The following RCC1L variants were observed in gnomAD, a reference collection of about 807,000 sequenced individuals.
RCC1L encodes the protein RCC1 like.
A neutral mutation model predicts 58.6 loss-of-function variants in RCC1L; 46 were observed. That is an observed-to-expected ratio of 0.79 (90% CI 0.62 to 1.00). The LOEUF (loss-of-function observed/expected upper bound fraction) is 1.00, where lower values mean the gene tolerates loss of function less well. Among genes scored for constraint, RCC1L ranks in the 50% least tolerant of loss-of-function variants. The probability of loss-of-function intolerance (pLI) is 0.00; values close to 1 mark genes in which losing one functional copy is unlikely to be tolerated. For synonymous variants in RCC1L, 281 were observed against 262.9 expected, an observed-to-expected ratio of 1.07 and a Z score of -0.67; for missense variants, 636 against 623.6, an observed-to-expected ratio of 1.02 and a Z score of -0.21.
At chr7:75,050,555 C>T (rs1394213512) in intron 10 of RCC1L, among the ~76,000 whole-genome samples, 2 of 152,198 alleles carry the variant, frequency 1.3e-5, no homozygotes, top group African/African-American at 4.8e-5. Flanking sequence ...AACCCGGCTG[C>T]TTTAACTGTT....
chr7:75,049,601 G>T (rs1014914657), intron 10 of RCC1L, among the ~76,000 whole-genome samples: 1 of 151,710 alleles, frequency 6.6e-6, no homozygotes, highest in Admixed American at 6.6e-5. Context: ...GAGCCTGGGA[G>T]TTTGAGGCTG....
chr7:75,070,058 T>C (rs587733392), intron 2 of RCC1L, among the ~76,000 whole-genome samples: 2 of 152,296 alleles, frequency 1.3e-5, no homozygotes, highest in South Asian at 2.1e-4. Flanking sequence ...CTTCACGCTG[T>C]CTGTCTCCAA....
chr7:75,029,845 G>T (rs1805251914), intron 10 of RCC1L, among the ~76,000 whole-genome samples: 1 of 152,150 alleles, frequency 6.6e-6, no homozygotes, highest in Non-Finnish European at 1.5e-5. Flanking sequence ...TGAGGGAGGG[G>T]GTTAGGCCTG....
intron 10 of RCC1L, among the ~76,000 whole-genome samples, chr7:75,046,923 C>T (rs1278438931): frequency 3.3e-5 from 5 of 151,932 alleles, no homozygotes; most frequent in Non-Finnish European, 7.4e-5. Flanking sequence ...ACTACTCCGG[C>T]GCCCAGCTCT....
rs11550641 is a variant in RCC1L at position 75,042,783 on chromosome 7, G to A, written c.*249C>T. 5.6e-6 allele frequency: 8 copies of A among 1,426,924 alleles called. No individual in the cohort carries two copies. Among genetic ancestry groups the A allele is most frequent in the Non-Finnish European group, 7.4e-6 (8 of 1,084,998 alleles). 88.4% of individuals were successfully genotyped at this position (1,426,924 alleles called of 1,614,324 possible). A position where few individuals can be genotyped will look rare whatever the true frequency, so the allele number is the denominator to read the frequency against. The stretch of plus-strand genomic sequence containing the variant: ...TACTTGGAGAGAACAGAGACGTGCG[G>A]GCCACAGCGGCCCACCAAAGGCTGC... On this transcript the variant is annotated 3_prime_UTR_variant, in exon 11 of 11. Coordinates refer to ENST00000610322, the MANE Select transcript of RCC1L (RefSeq NM_030798.5).
intron 9 of RCC1L, 53 bp from the exon 10 acceptor site, chr7:75,052,849 C>A (rs1805956871): frequency 6.5e-7 from 1 of 1,537,298 alleles, no homozygotes; most frequent in Non-Finnish European, 8.9e-7. Context: ...GAACAAGTCT[C>A]CAAGGAGAGG....
At chr7:75,059,445 A>G (rs1001257688) in intron 6 of RCC1L, among the ~76,000 whole-genome samples, 1 of 151,498 alleles carries the variant, frequency 6.6e-6, no homozygotes, top group East Asian at 2.0e-4. Flanking sequence ...TAATTTTTGT[A>G]TTTTTCACAG....
intron 10 of RCC1L, among the ~76,000 whole-genome samples, chr7:75,029,084 G>A (rs1805224898): frequency 6.6e-6 from 1 of 152,240 alleles, no homozygotes; most frequent in South Asian, 2.1e-4. Context: ...AGGATGCCCT[G>A]GAGGTCAGGA....
rs899948141 is a variant in RCC1L, at chr7:75,027,924, C to T, written c.*108G>A. The stretch of plus-strand genomic sequence containing the variant: ...CTCCTGGTCTGCTGGGTGGGAGGGT[C>T]TCTCCAGGCCCCAGACCCCACTTGG... On this transcript the variant is annotated 3_prime_UTR_variant, in exon 11 of 11. Transcript: ENST00000614461. 25 of 1,246,040 alleles carry T rather than the reference C, an allele frequency of 2.0e-5. No homozygotes were observed. The African/African-American group carries it at 3.3e-4, about 16-fold the overall frequency. 77.2% of individuals were successfully genotyped at this position (1,246,040 alleles called of 1,614,324 possible).
chr7:75,046,862 A>C (rs1805735141), intron 10 of RCC1L, among the ~76,000 whole-genome samples: 1 of 152,214 alleles, frequency 6.6e-6, no homozygotes, highest in African/African-American at 2.4e-5. Context: ...GGGAAGAAGG[A>C]ACCCTGGGCG....
At chr7:75,047,901 T>C (rs1584491379) in intron 10 of RCC1L, among the ~76,000 whole-genome samples, 1 of 122,500 alleles carries the variant, frequency 8.2e-6, no homozygotes, top group African/African-American at 3.1e-5. Flanking sequence ...CATCTTGGCC[T>C]CCCAAAGTGC....
chr7:75,067,415 G>C lies in RCC1L; in HGVS notation c.455-623C>G, dbSNP rs963570925. Among the ~76,000 whole-genome samples the C allele has an allele frequency of 3.9e-5, 6 of 152,100 alleles. 1 individual carries two copies. The highest frequency in any genetic ancestry group is 7.4e-5 in the Non-Finnish European group (5 of 68,022). ...AGGCCAAGGCAGGCGGATCACTTGA[G>C]GTCAGGAGTTTGATACCCACCTGGC... On this transcript the variant is annotated intron_variant, in intron 2 of 10. Transcript: ENST00000610322.
rs1563076159 is a variant in RCC1L at position 75,057,548 on chromosome 7, C to T, written c.1038G>A (p.Thr346=). ...TCTCACCGTTTAACACTGCACAGCC[C>T]GTGCCACCGCATGCAGCCTGTCGCA... ...GKVRQAACGG[T]GCAVLNGEGH... The change falls in exon 8 of 11, where the codon ACG becomes ACA. Residue 346 remains threonine, a synonymous_variant. Transcript: ENST00000610322. 1.3e-5 allele frequency: 21 copies of T among 1,613,920 alleles called. No homozygotes were observed. Among genetic ancestry groups the T allele is most frequent in the East Asian group, 2.2e-5 (1 of 44,872 alleles).
At chr7:75,072,351 T>C (rs1584508230) in intron 1 of RCC1L, among the ~76,000 whole-genome samples, 1 of 150,638 alleles carries the variant, frequency 6.6e-6, no homozygotes, top group East Asian at 2.0e-4. Flanking sequence ...TTTGTTGTTG[T>C]TGTTTAGTTT....
At chr7:75,055,033 A>T (rs587692947) in intron 9 of RCC1L, among the ~76,000 whole-genome samples, 2 of 152,334 alleles carry the variant, frequency 1.3e-5, no homozygotes, top group African/African-American at 4.8e-5. Flanking sequence ...AGCATCTGGG[A>T]CAGGCCCCAC....
downstream of RCC1L, among the ~76,000 whole-genome samples, chr7:75,040,098 C>T (rs925862696): frequency 3.3e-5 from 5 of 152,154 alleles, no homozygotes; most frequent in African/African-American, 4.8e-5. Flanking sequence ...CAGAGCCCAG[C>T]TGGAAGAAAG....
At chr7:75,066,942 G>GA (rs1304949577) in intron 2 of RCC1L, 150 bp from the exon 3 acceptor site, 5 of 1,059,604 alleles carry the variant, frequency 4.7e-6, no homozygotes, top group Non-Finnish European at 6.4e-6. Context: ...GCAAGGACCA[G>GA]AAGCCCAACT....
intron 10 of RCC1L, among the ~76,000 whole-genome samples, chr7:75,032,233 G>C (rs990422461): frequency 4.1e-5 from 6 of 144,778 alleles, no homozygotes; most frequent in Middle Eastern, 3.3e-3. Flanking sequence ...GGGGACGGTG[G>C]GGGGAAGGAG....
chr7:75,047,862 G>A (rs1449463311), intron 10 of RCC1L, among the ~76,000 whole-genome samples: 11 of 147,348 alleles, frequency 7.5e-5, no homozygotes, highest in African/African-American at 2.5e-4. Flanking sequence ...GGTCAGGCTG[G>A]TATCGAACTC....
Sources: gnomAD v4.1 joint callset for allele counts (sites outside exome capture counted in the v4.1 genomes callset) on GRCh38, gnomAD v4.1.1 for gene constraint, MANE v1.5 for transcripts, NCBI Gene and HGNC (gene_info 2026-07-23, HGNC 2026-07-21) for gene names.